Variants in NELL1 observed in about 807,000 individuals in gnomAD.
NELL1 encodes the protein protein kinase C-binding protein NELL1.
In NELL1, 76 loss-of-function variants were observed where a neutral mutation model predicts 107.4. The ratio of observed to expected loss-of-function variants is 0.71; its 90% CI spans 0.59 to 0.86. The LOEUF is 0.86. NELL1 is among the 40% of genes least tolerant of loss of function. The probability of loss-of-function intolerance (pLI) is 0.00; values close to 1 mark genes in which losing one functional copy is unlikely to be tolerated. For missense variants in NELL1, 1,024 were observed against 1,005.5 expected (o/e 1.02, Z -0.25); for synonymous variants, 353 against 341.2 (o/e 1.03, Z -0.38).
chr11:21,234,185 C>T (rs1858139426), intron 14 of NELL1, among the ~76,000 whole-genome samples: 1 of 152,144 alleles, frequency 6.6e-6, no homozygotes, highest in South Asian at 2.1e-4. Flanking sequence ...ACTTGCAGAA[C>T]CCAGAGAAAA....
chr11:21,538,504 G>A (rs1856200172), intron 16 of NELL1, among the ~76,000 whole-genome samples: 1 of 152,000 alleles, frequency 6.6e-6, no homozygotes, highest in African/African-American at 2.4e-5. Flanking sequence ...CTCTCTCTCT[G>A]TCTCTCTCTT....
At chr11:20,705,543 A>T (rs1854924235) in intron 2 of NELL1, among the ~76,000 whole-genome samples, 1 of 143,496 alleles carries the variant, frequency 7.0e-6, no homozygotes, top group South Asian at 2.2e-4. Context: ...TAAATGTTAG[A>T]CCTAAAACCA....
chr11:20,715,550 C>G (rs1855230249), intron 2 of NELL1, among the ~76,000 whole-genome samples: 2 of 152,168 alleles, frequency 1.3e-5, no homozygotes, highest in Admixed American at 1.3e-4. Flanking sequence ...CATGTTTCCC[C>G]TACTTCACGA....
chr11:21,362,940 A>G (rs560950363), intron 14 of NELL1, among the ~76,000 whole-genome samples: 25 of 152,216 alleles, frequency 1.6e-4, no homozygotes, highest in African/African-American at 5.3e-4. Flanking sequence ...GCTGTGTTAT[A>G]TGGTTCATCA....
At chr11:21,316,840 G>C (rs867876558) in intron 14 of NELL1, among the ~76,000 whole-genome samples, 1 of 152,118 alleles carries the variant, frequency 6.6e-6, no homozygotes, top group Non-Finnish European at 1.5e-5. Context: ...CCTGGAGGTA[G>C]AGCTGGGGAA....
At chr11:21,225,841 A>G (rs759585232) in intron 13 of NELL1, among the ~76,000 whole-genome samples, 7 of 152,060 alleles carry the variant, frequency 4.6e-5, no homozygotes, top group Non-Finnish European at 1.0e-4. Flanking sequence ...TAAATTTTCT[A>G]CCTATATTAA....
intron 15 of NELL1, among the ~76,000 whole-genome samples, chr11:21,419,146 C>T (rs1010914623): frequency 2.6e-5 from 4 of 152,046 alleles, no homozygotes; most frequent in African/African-American, 9.7e-5. Flanking sequence ...CTCTGTAATG[C>T]ACGACCTTTG....
At chr11:21,177,992 A>C (rs896223272) in intron 13 of NELL1, among the ~76,000 whole-genome samples, 1 of 151,508 alleles carries the variant, frequency 6.6e-6, no homozygotes, top group Non-Finnish European at 1.5e-5. Context: ...GAGTACTTTG[A>C]GTTTCTTATA....
At chr11:21,006,783 T>C (rs946638823) in intron 12 of NELL1, among the ~76,000 whole-genome samples, 6 of 152,074 alleles carry the variant, frequency 3.9e-5, no homozygotes, top group African/African-American at 1.4e-4. Context: ...TACAATACTT[T>C]CCACTTGGTA....
intron 2 of NELL1, among the ~76,000 whole-genome samples, chr11:20,703,902 C>G (rs1340700996): frequency 2.0e-5 from 3 of 152,140 alleles, no homozygotes; most frequent in African/African-American, 7.2e-5. Context: ...TTTACATTTG[C>G]TGAGGATTGC....
chr11:21,518,696 T>G (rs1855636634), intron 15 of NELL1, among the ~76,000 whole-genome samples: 1 of 152,102 alleles, frequency 6.6e-6, no homozygotes, highest in Non-Finnish European at 1.5e-5. Flanking sequence ...TTGGTGGGAG[T>G]GACAGTGTGA....
intron 2 of NELL1, among the ~76,000 whole-genome samples, chr11:20,742,961 T>TA (rs1855924570): frequency 6.6e-6 from 1 of 151,966 alleles, no homozygotes; most frequent in East Asian, 1.9e-4. Context: ...TTTCAATAGA[T>TA]ATATACATCA....
chr11:20,885,388 C>A (rs1564949973), intron 4 of NELL1, 56 bp from the exon 5 acceptor site: 1 of 1,112,748 alleles, frequency 9.0e-7, no homozygotes, highest in South Asian at 1.2e-5. Context: ...AGCATATGCA[C>A]CTTTTGGTTC....
intron 12 of NELL1, among the ~76,000 whole-genome samples, chr11:21,005,792 A>G (rs1852315285): frequency 6.6e-6 from 1 of 152,198 alleles, no homozygotes; most frequent in Non-Finnish European, 1.5e-5. Flanking sequence ...CTTTAGAAAT[A>G]CAAACCAGAG....
chr11:21,098,677 T>G (rs1854716141), intron 12 of NELL1, among the ~76,000 whole-genome samples: 1 of 152,114 alleles, frequency 6.6e-6, no homozygotes, highest in African/African-American at 2.4e-5. Flanking sequence ...GGGTCACAGG[T>G]GTGTGAGGAA....
chr11:20,991,274 G>A (rs1030329322), intron 12 of NELL1, among the ~76,000 whole-genome samples: 1 of 152,188 alleles, frequency 6.6e-6, no homozygotes, highest in Non-Finnish European at 1.5e-5. Flanking sequence ...CTTTGTTCCA[G>A]CAGATCAGGG....
intron 12 of NELL1, among the ~76,000 whole-genome samples, chr11:21,066,373 G>A (rs1046579319): frequency 3.3e-5 from 5 of 152,134 alleles, no homozygotes; most frequent in South Asian, 2.1e-4. Flanking sequence ...CTGTATTAGT[G>A]GAGTTGGTAG....
At chr11:21,122,976 T>G (rs1482124457) in intron 13 of NELL1, among the ~76,000 whole-genome samples, 1 of 152,184 alleles carries the variant, frequency 6.6e-6, no homozygotes, top group African/African-American at 2.4e-5. Context: ...ATTTTCAGTA[T>G]GATAGTTTTG....
At chr11:20,975,314 C>G (rs1031206967) in intron 12 of NELL1, among the ~76,000 whole-genome samples, 1 of 151,936 alleles carries the variant, frequency 6.6e-6, no homozygotes, top group Admixed American at 6.6e-5. Flanking sequence ...CCGCACCCGG[C>G]TGGGGCTTCC....
Sources: gnomAD v4.1 joint callset for allele counts (sites outside exome capture counted in the v4.1 genomes callset) on GRCh38, gnomAD v4.1.1 for gene constraint, MANE v1.5 for transcripts, NCBI Gene and HGNC (gene_info 2026-07-23, HGNC 2026-07-21) for gene names.